Variants in ZFP57 observed in about 807,000 individuals in gnomAD.
ZFP57 encodes zinc finger protein 57 homolog.
ZFP57 carries 12 observed loss-of-function variants against 15.8 expected under a neutral mutation model. That is an observed-to-expected ratio of 0.76 (90% CI 0.49 to 1.23). The LOEUF is 1.23. Among genes scored for constraint, ZFP57 ranks in the 50% most tolerant of loss-of-function variants. The pLI is 0.00. For synonymous variants in ZFP57, 203 were observed against 242.3 expected (o/e 0.84, Z 1.51); for missense variants, 536 against 654.9 (o/e 0.82, Z 1.98).
chr6:29,681,031 TA>T (rs1196648606), intron 1 of ZFP57, 30 bp downstream of exon 1: 1 of 152,146 alleles, frequency 6.6e-6, no homozygotes, highest in Non-Finnish European at 1.5e-5. Context: ...CTACTACCGC[TA>T]GCGCGACTCC....
chr6:29,676,947 G>A lies in ZFP57; in HGVS notation c.57C>T (p.Gly19=), dbSNP rs772067986. The A allele has an allele frequency of 5.0e-6, 8 of 1,614,144 alleles. No individual in the cohort carries two copies. In the East Asian group the frequency reaches 1.1e-4, roughly 22 times the overall value. The change falls in exon 2 of 5, where the codon GGC becomes GGT. Residue 19 remains glycine (G), a synonymous_variant. Coordinates refer to ENST00000376883, the MANE Select transcript of ZFP57 (RefSeq NM_001109809.5). ...CTTCCTGCAGGGTGGCAGCTACCTC[G>A]CCCACCCATGGGAGCGTCTTCTGTA... The part of the protein sequence containing the change: ...EPVQKTLPWV[G]EVAATLQEAM...
intron 3 of ZFP57, 56 bp from the exon 4 acceptor site, chr6:29,675,543 T>C (rs1772027284): frequency 6.5e-6 from 9 of 1,375,000 alleles, no homozygotes; most frequent in Non-Finnish European, 9.4e-6. Flanking sequence ...CCCCTTCACA[T>C]CTGATGGGGA....
chr6:29,680,953 TA>T (rs9278239), intron 1 of ZFP57, 108 bp downstream of exon 1: 42,385 of 152,094 alleles, frequency 0.28, 6,595 homozygotes, highest in African/African-American at 0.38. Context: ...CCTCCAAGAT[TA>T]GGGGCGCAGT....
At position 29,673,481 on chromosome 6, in the gene ZFP57, C is replaced by T; in HGVS notation, c.630G>A (p.Lys210=). The T allele has an allele frequency of 1.9e-6, 3 of 1,613,144 alleles. No individual in the cohort carries two copies. Among genetic ancestry groups the T allele is most frequent in the Non-Finnish European group, 2.5e-6 (3 of 1,180,054 alleles). The change falls in exon 5 of 5, where the codon AAG becomes AAA. Residue 210 remains lysine (K), a synonymous_variant. Transcript: ENST00000376883. The surrounding 1 kb of genome is among the most constrained non-coding windows in gnomAD (Gnocchi z 4.7). ...TGAGGGACTTGGGGCTCCGAAACAA[C>T]TTCCCACACTGACTGCAGCTGTTAG... ...KLTNSCSQCG[K]LFRSPKSLSY...
chr6:29,677,661 G>A (rs775889792), intron 1 of ZFP57, among the ~76,000 whole-genome samples: 2 of 152,168 alleles, frequency 1.3e-5, no homozygotes, highest in African/African-American at 2.4e-5. Flanking sequence ...GCTAGGATCT[G>A]TCACAGATCA....
rs1458704903 is a variant in ZFP57, at chr6:29,675,956, G to A, written c.227C>T (p.Thr76Ile). The change falls in exon 3 of 5, where the codon ACC (threonine) becomes ATC (isoleucine). Residue 76 changes from threonine (T) to isoleucine (I), a missense_variant. Thr to Ile is a moderately conservative substitution (Grantham distance 89). Transcript: ENST00000376883. ...RVLYQDVMSE[T>I]FKNLTSVARI... ...ACCCACAGATGTTAGATTCTTAAAG[G>A]TTTCCGACATAACATCCTGGTAAAG... 2 of 1,613,136 alleles carry A rather than the reference G, an allele frequency of 1.2e-6. No homozygotes were observed. Among genetic ancestry groups the A allele is most frequent in the Non-Finnish European group, 1.7e-6 (2 of 1,180,046 alleles).
chr6:29,679,135 C>G (rs758139614), intron 1 of ZFP57, among the ~76,000 whole-genome samples: 3 of 152,208 alleles, frequency 2.0e-5, no homozygotes, highest in Non-Finnish European at 2.9e-5. Flanking sequence ...GCTAACAACC[C>G]AAGAGCAATC....
rs1194148394 is a variant in ZFP57 at position 29,673,685 on chromosome 6, G to A, written c.426C>T (p.Phe142=). Reference sequence around the variant, plus strand: ...ACTGGCCGGCCCCTCTGCATGCAAGGAAGACCTTGTCATCACTAGTCCCCT... The same window carrying A: ...ACTGGCCGGCCCCTCTGCATGCAAGAAAGACCTTGTCATCACTAGTCCCCT... ...RDEGTSDDKV[F]LACRGAGQCP... The change falls in exon 5 of 5, where the codon TTC becomes TTT. Residue 142 remains phenylalanine, a synonymous_variant. Transcript: ENST00000376883. The surrounding 1 kb of genome is among the most constrained non-coding windows in gnomAD (Gnocchi z 4.7). 5.6e-6 allele frequency: 9 copies of A among 1,613,062 alleles called. No individual in the cohort carries two copies. Among genetic ancestry groups the A allele is most frequent in the South Asian group, 1.1e-5 (1 of 91,086 alleles).
chr6:29,678,767 C>T (rs1772194037), intron 1 of ZFP57, among the ~76,000 whole-genome samples: 1 of 152,158 alleles, frequency 6.6e-6, no homozygotes, highest in Non-Finnish European at 1.5e-5. Flanking sequence ...GGGTTTGGTA[C>T]TATTCATGGT....
chr6:29,675,684 T>C (rs1038517442), intron 3 of ZFP57, among the ~76,000 whole-genome samples, 197 bp from the exon 4 acceptor site: 3 of 152,194 alleles, frequency 2.0e-5, no homozygotes, highest in African/African-American at 7.2e-5. Flanking sequence ...AAATATTTGT[T>C]TGATGAATGG....
chr6:29,680,555 C>G (rs1562230529), intron 1 of ZFP57, among the ~76,000 whole-genome samples: 2 of 152,156 alleles, frequency 1.3e-5, no homozygotes, highest in South Asian at 4.1e-4. Context: ...TGCCCTGCAC[C>G]TACCCACCAG....
Position 29,677,136 on chromosome 6 carries a change from G to A in ZFP57, c.-133C>T. ...GGAGAGGCCCAGCAAAGGCCCCAGG[G>A]TTTGATGTGGCTTCCTGTGACAAAT... On this transcript the variant is annotated 5_prime_UTR_variant, in exon 2 of 5. Coordinates refer to ENST00000376883, the MANE Select transcript of ZFP57 (RefSeq NM_001109809.5). 1.6e-6 allele frequency: 2 copies of A among 1,257,726 alleles called. No individual in the cohort carries two copies. Among genetic ancestry groups the A allele is most frequent in the South Asian group, 1.2e-5 (1 of 82,084 alleles). The allele number at this position is 1,257,726 out of a possible 1,614,324, so 77.9% of individuals were successfully genotyped here. A position where few individuals can be genotyped will look rare whatever the true frequency, so the allele number is the denominator to read the frequency against.
rs751884998 is a variant in ZFP57 at position 29,673,094 on chromosome 6, A to G, written c.1017T>C (p.Pro339=). 9.9e-6 allele frequency: 16 copies of G among 1,612,958 alleles called. No homozygotes were observed. Among genetic ancestry groups the G allele is most frequent in the Non-Finnish European group, 1.4e-5 (16 of 1,180,012 alleles). Residue 339 remains proline, a synonymous_variant, in exon 5 of 5, where the codon CCT becomes CCC. Coordinates refer to ENST00000376883, the MANE Select transcript of ZFP57 (RefSeq NM_001109809.5). The surrounding 1 kb of genome is among the most constrained non-coding windows in gnomAD (Gnocchi z 4.7). Reference sequence around the variant, plus strand: ...GTACAGATGCCTGGTTCTGGGCCATAGGACCCTCAGTTCTAAATATGGGTT... The same window carrying G: ...GTACAGATGCCTGGTTCTGGGCCATGGGACCCTCAGTTCTAAATATGGGTT... ...SQEPIFRTEG[P]MAQNQASVLK...
In ZFP57 at chr6:29,673,512, T is replaced by C; in HGVS notation, c.599A>G (p.Lys200Arg). 6.2e-7 allele frequency: 1 copy of C among 1,613,066 alleles called. No homozygotes were observed. Among genetic ancestry groups the C allele is most frequent in the Non-Finnish European group, 8.5e-7 (1 of 1,180,022 alleles). The change falls in exon 5 of 5, where the codon AAG becomes AGG. Residue 200 changes from lysine to arginine, a missense_variant. Lys to Arg is a conservative substitution (Grantham distance 26). Transcript: ENST00000376883. The surrounding 1 kb of genome is among the most constrained non-coding windows in gnomAD (Gnocchi z 4.7). ...ACACTGACTGCAGCTGTTAGTCAGC[T>C]TGGGATTGTGAACAAACTGGTGGCT... The part of the protein sequence containing the change: ...LYSHQFVHNP[K>R]LTNSCSQCGK...
chr6:29,673,852 G>A lies in ZFP57; in HGVS notation c.353-94C>T. The A allele has an allele frequency of 6.8e-6, 10 of 1,480,912 alleles. No individual in the cohort carries two copies. The highest frequency in any genetic ancestry group is 9.4e-6 in the Non-Finnish European group (10 of 1,065,074). The allele number at this position is 1,480,912 out of a possible 1,614,324, so 91.7% of individuals were successfully genotyped here. ...CTCACACCTGTAATCCCAGCACTTT[G>A]GGAGGCCGAGGCCAGCGGATCACCT... On this transcript the variant is annotated intron_variant, in intron 4 of 4. Coordinates refer to ENST00000376883, the MANE Select transcript of ZFP57 (RefSeq NM_001109809.5). This position sits in a 1 kb window ranked among gnomAD's most constrained non-coding sequence, Gnocchi z 4.7.
chr6:29,672,918 T>G lies in ZFP57; in HGVS notation c.1193A>C (p.Tyr398Ser). The G allele has an allele frequency of 6.2e-7, 1 of 1,613,002 alleles. No homozygotes were observed. Residue 398 changes from tyrosine (Y) to serine (S), a missense_variant, in exon 5 of 5, where the codon TAT (tyrosine) becomes TCT (serine). Physicochemically the swap from Tyr to Ser is moderately radical, Grantham distance 144 (BLOSUM62 -2). Coordinates refer to ENST00000376883, the MANE Select transcript of ZFP57 (RefSeq NM_001109809.5). Reference protein sequence around the residue: ...HCSLTFSKKSYLSRHQKAHLT... With the variant: ...HCSLTFSKKSSLSRHQKAHLT... ...GTGGGCCTTCTGGTGTCTGGAGAGA[T>G]AGGATTTCTTGCTAAAAGTCAAAGA...
intron 2 of ZFP57, 127 bp from the exon 3 acceptor site, chr6:29,676,186 A>C: frequency 9.6e-7 from 1 of 1,037,656 alleles, no homozygotes; most frequent in Non-Finnish European, 1.4e-6. Context: ...AGATAAAACC[A>C]TGGAAGGAAG....
At position 29,678,478 on chromosome 6, in the gene ZFP57, C is replaced by T. The variant is rs924180918; in HGVS notation, c.-363-1112G>A. 4.6e-5 allele frequency among the ~76,000 whole-genome samples: 7 copies of T among 152,146 alleles called. No individual in the cohort carries two copies. The East Asian group carries it at 9.6e-4, about 21-fold the overall frequency. On this transcript the variant is annotated intron_variant, in intron 1 of 4. Transcript: ENST00000376883. ...ACCCAAAAGCACAAGAGTAGAGACGCTGGAAATTCAGATATGCAAAGAGAA... is the reference window on the plus strand; with the variant it reads ...ACCCAAAAGCACAAGAGTAGAGACGTTGGAAATTCAGATATGCAAAGAGAA...
At chr6:29,674,793 T>C (rs537860351) in intron 4 of ZFP57, among the ~76,000 whole-genome samples, 1 of 152,316 alleles carries the variant, frequency 6.6e-6, no homozygotes, top group African/African-American at 2.4e-5. Context: ...ATCATGGACA[T>C]AAGCAACTTT....
Sources: allele counts gnomAD v4.1 joint callset (sites outside exome capture counted in the v4.1 genomes callset), GRCh38; gene constraint gnomAD v4.1.1; non-coding constraint Gnocchi (gnomAD v3.1); transcripts MANE v1.5; gene names NCBI Gene and HGNC (gene_info 2026-07-23, HGNC 2026-07-21).